Variants in ABCC2 observed in about 807,000 individuals in gnomAD.
ABCC2 encodes the protein ATP binding cassette subfamily C member 2, also known as ATP-binding cassette sub-family C member 2.
Under a neutral mutation model 173.4 loss-of-function variants are expected in ABCC2, and 157 were observed. The observed-to-expected ratio is 0.91, with a 90% CI of 0.80 to 1.03. ABCC2 has a LOEUF of 1.03. Ranked by LOEUF, ABCC2 falls within the 50% of genes least tolerant of loss-of-function variation. The pLI is 0.00. For missense variants in ABCC2, 1,822 were observed against 1,852.3 expected, an observed-to-expected ratio of 0.98 and a Z score of 0.30; for synonymous variants, 657 against 693.5, an observed-to-expected ratio of 0.95 and a Z score of 0.83.
intron 2 of ABCC2, among the ~76,000 whole-genome samples, chr10:99,785,106 A>G (rs1226295542): frequency 1.3e-5 from 2 of 152,228 alleles, no homozygotes; most frequent in Non-Finnish European, 2.9e-5. Context: ...CAGCTCTAAT[A>G]AATCAGTGGA....
intron 16 of ABCC2, among the ~76,000 whole-genome samples, chr10:99,814,177 A>ATGTATGTATACACACG (rs2038282095): frequency 1.0e-5 from 1 of 99,758 alleles, no homozygotes; most frequent in Non-Finnish European, 2.1e-5. Flanking sequence ...ATATACACAC[A>ATGTATGTATACACACG]TGTATGTATA....
chr10:99,826,369 T>A (rs1379920967), intron 19 of ABCC2, among the ~76,000 whole-genome samples: 1 of 151,242 alleles, frequency 6.6e-6, no homozygotes, highest in African/African-American at 2.4e-5. Context: ...GGATTGGCGT[T>A]TTCATATGCC....
chr10:99,844,023 T>C, intron 27 of ABCC2, 123 bp downstream of exon 27: 1 of 932,080 alleles, frequency 1.1e-6, no homozygotes, highest in African/African-American at 1.6e-5. Flanking sequence ...AAGTTTCCTT[T>C]CCTCTAACTC....
At chr10:99,787,101 G>C (rs2037725187) in intron 2 of ABCC2, among the ~76,000 whole-genome samples, 1 of 151,220 alleles carries the variant, frequency 6.6e-6, no homozygotes, top group South Asian at 2.1e-4. Flanking sequence ...CCGGGAGGTG[G>C]AGGTTACAGT....
At chr10:99,792,506 G>A (rs903491567) in intron 3 of ABCC2, 147 bp downstream of exon 3, 1 of 1,248,628 alleles carries the variant, frequency 8.0e-7, no homozygotes, top group East Asian at 2.4e-5. Context: ...GTTGGAATGG[G>A]GTGAAACAAA....
At position 99,845,802 on chromosome 10, in the gene ABCC2, C is replaced by CG. The variant is rs1564701797; in HGVS notation, c.4146+23dup. 5.6e-6 allele frequency: 9 copies of CG among 1,602,274 alleles called. No individual in the cohort carries two copies. Among genetic ancestry groups the CG allele is most frequent in the Middle Eastern group, 1.9e-4 (1 of 5,402 alleles). ...CCCCAGGTGAGCTCTAGAACTTACT[C>CG]GGGCACATGCCGTGGGGAGCAGCTT... On this transcript the variant is annotated intron_variant, in intron 29 of 31. Transcript: ENST00000647814.
chr10:99,829,840 G>A (rs2133109695), intron 19 of ABCC2, among the ~76,000 whole-genome samples: 1 of 152,224 alleles, frequency 6.6e-6, no homozygotes. Context: ...TGCCCAAGGT[G>A]GTCTCAAACT....
intron 31 of ABCC2, among the ~76,000 whole-genome samples, chr10:99,851,290 C>T (rs558505500): frequency 6.6e-6 from 1 of 152,352 alleles, no homozygotes; most frequent in East Asian, 1.9e-4. Flanking sequence ...TAAATGGACT[C>T]ATACTGCCTG....
intron 6 of ABCC2, among the ~76,000 whole-genome samples, chr10:99,795,738 GGAAA>G (rs1205497592): frequency 4.2e-3 from 120 of 28,776 alleles, no homozygotes; most frequent in African/African-American, 0.014. Context: ...AAAGAAAGAA[GGAAA>G]GAAAGAAAGA....
At chr10:99,823,600 C>T (rs183500819) in intron 19 of ABCC2, among the ~76,000 whole-genome samples, 4,626 of 148,082 alleles carry the variant, frequency 0.031, 107 homozygotes, top group Non-Finnish European at 0.049. Flanking sequence ...GTTTTGATTA[C>T]TCGTTCCTTC....
At chr10:99,813,977 C>A (rs543427165) in intron 16 of ABCC2, among the ~76,000 whole-genome samples, 27 of 151,870 alleles carry the variant, frequency 1.8e-4, no homozygotes, top group Non-Finnish European at 3.1e-4. Context: ...GGGCCTTTCT[C>A]TTCCTCCTTT....
At chr10:99,801,100 T>C (rs1460601638) in intron 9 of ABCC2, among the ~76,000 whole-genome samples, 1 of 152,196 alleles carries the variant, frequency 6.6e-6, no homozygotes, top group Admixed American at 6.5e-5. Flanking sequence ...ACCTCCTCTG[T>C]CTGACTTCTT....
intron 25 of ABCC2, among the ~76,000 whole-genome samples, chr10:99,840,418 A>C: frequency 6.8e-6 from 1 of 146,920 alleles, no homozygotes; most frequent in East Asian, 2.0e-4. Context: ...TCCCTAAGCC[A>C]CCGACCCCAG....
At chr10:99,834,563 T>G in intron 24 of ABCC2, 28 bp downstream of exon 24, 1 of 1,608,996 alleles carries the variant, frequency 6.2e-7, no homozygotes, top group South Asian at 1.1e-5. Flanking sequence ...TAAGTCATCC[T>G]TCCTTCCTCT....
chr10:99,813,373 G>C (rs779793309), intron 16 of ABCC2, among the ~76,000 whole-genome samples: 1 of 152,150 alleles, frequency 6.6e-6, no homozygotes, highest in South Asian at 2.1e-4. Flanking sequence ...ATTCTCATAC[G>C]CATACTACAG....
chr10:99,828,911 T>C (rs1297630581), intron 19 of ABCC2, among the ~76,000 whole-genome samples: 1 of 151,554 alleles, frequency 6.6e-6, no homozygotes, highest in Non-Finnish European at 1.5e-5. Context: ...TTCCTGGACA[T>C]GTGCACAGCT....
chr10:99,814,765 A>ATG (rs1198981076), intron 16 of ABCC2, among the ~76,000 whole-genome samples: 1 of 133,152 alleles, frequency 7.5e-6, no homozygotes, highest in African/African-American at 3.0e-5. Flanking sequence ...ACACACACAT[A>ATG]TATGTGTGTG....
At chr10:99,794,262 C>T (rs2037858477) in intron 5 of ABCC2, 151 bp from the exon 6 acceptor site, 2 of 823,640 alleles carry the variant, frequency 2.4e-6, no homozygotes, top group South Asian at 3.0e-5. Flanking sequence ...TTTAGGGTCT[C>T]CAAATAAACA....
chr10:99,797,082 T>C lies in ABCC2; in HGVS notation c.633-15T>C, dbSNP rs1195544268. 1 of 1,613,162 alleles carries C rather than the reference T, an allele frequency of 6.2e-7. No individual in the cohort carries two copies. The highest frequency in any genetic ancestry group is 2.2e-5 in the East Asian group (1 of 44,856). On this transcript the variant is annotated splice_polypyrimidine_tract_variant and intron_variant, in intron 6 of 31. Transcript: ENST00000647814. ...CAGCCTGGGGGTCTCAGCCTGTGGT[T>C]CGCTCTTGTTCCAGCATCATTCTGA...
Sources: allele counts gnomAD v4.1 joint callset (sites outside exome capture counted in the v4.1 genomes callset), GRCh38; gene constraint gnomAD v4.1.1; transcripts MANE v1.5; gene names NCBI Gene and HGNC (gene_info 2026-07-23, HGNC 2026-07-21).